ZSCAN32: variants seen among roughly 807,000 people sequenced by gnomAD.
ZSCAN32 encodes the protein zinc finger and SCAN domain containing 32.
A neutral mutation model predicts 47.4 loss-of-function variants in ZSCAN32; 52 were observed. The observed-to-expected ratio is 1.10, with a 90% CI of 0.88 to 1.38. The LOEUF is 1.38. Among genes scored for constraint, ZSCAN32 ranks in the 40% most tolerant of loss-of-function variants. The pLI, the probability that ZSCAN32 is intolerant of heterozygous loss-of-function variation, is 0.00. For synonymous variants in ZSCAN32, 346 were observed against 305.7 expected, an observed-to-expected ratio of 1.13 and a Z score of -1.38; for missense variants, 959 against 846.0, an observed-to-expected ratio of 1.13 and a Z score of -1.66.
chr16:3,388,367 C>T (rs1308276757), intron 5 of ZSCAN32, among the ~76,000 whole-genome samples: 1 of 152,224 alleles, frequency 6.6e-6, no homozygotes, highest in Non-Finnish European at 1.5e-5. Context: ...GTCATTTTCT[C>T]AGTGAGGGCG....
intron 5 of ZSCAN32, among the ~76,000 whole-genome samples, chr16:3,389,537 C>T (rs2032414331): frequency 6.6e-6 from 1 of 152,198 alleles, no homozygotes; most frequent in African/African-American, 2.4e-5. Context: ...CCCAAGTGTC[C>T]TGAGATGCTG....
chr16:3,396,667 C>G (rs567855730), intron 2 of ZSCAN32, among the ~76,000 whole-genome samples: 1 of 152,342 alleles, frequency 6.6e-6, no homozygotes, highest in Non-Finnish European at 1.5e-5. Flanking sequence ...AAAATATAAG[C>G]TGGTTACACC....
chr16:3,384,856 G>A lies in ZSCAN32; in HGVS notation c.837C>T (p.Thr279=), dbSNP rs767241263. ...SSSQFYGKLQ[T]CQQNSQIYRA... ...TGTAGATCTGGCTGTTCTGCTGACAGGTCTGGAGTTTTCCATAAAATTGAG... is the reference window on the plus strand; with the variant it reads ...TGTAGATCTGGCTGTTCTGCTGACAAGTCTGGAGTTTTCCATAAAATTGAG... Residue 279 remains threonine, a synonymous_variant, in exon 6 of 7, where the codon ACC becomes ACT. Transcript: ENST00000396852. 1.2e-6 allele frequency: 2 copies of A among 1,614,140 alleles called. No individual in the cohort carries two copies. The highest frequency in any genetic ancestry group is 2.2e-5 in the South Asian group (2 of 91,086).
intron 6 of ZSCAN32, 27 bp downstream of exon 6, chr16:3,384,432 T>C (rs893042605): frequency 1.9e-6 from 3 of 1,613,436 alleles, no homozygotes; most frequent in Non-Finnish European, 1.7e-6. Flanking sequence ...TGCCATCCTT[T>C]GACCATCAGA....
Position 3,384,518 on chromosome 16 carries a change from C to T in ZSCAN32, c.1175G>A (p.Arg392Lys). 1 of 1,614,112 alleles carries T rather than the reference C, an allele frequency of 6.2e-7. No homozygotes were observed. Among genetic ancestry groups the T allele is most frequent in the African/African-American group, 1.3e-5 (1 of 75,016 alleles). ...DGADRDEKDF[R>K]NPGQEVRKLD... is the part of the protein sequence containing the mutation. ...TTTCCTGACTTCCTGGCCAGGATTC[C>T]TGAAGTCCTTTTCATCCCTGTCTGC... is the stretch of plus-strand genomic sequence containing the variant. The change falls in exon 6 of 7, where the codon AGG becomes AAG. Residue 392 changes from arginine (R) to lysine (K), a missense_variant. Arg to Lys is a conservative substitution (Grantham distance 26). Coordinates refer to ENST00000396852, the MANE Select transcript of ZSCAN32 (RefSeq NM_001284527.2).
At chr16:3,393,607 G>C (rs2033075770) in intron 3 of ZSCAN32, 42 bp downstream of exon 3, 13 of 1,470,628 alleles carry the variant, frequency 8.8e-6, no homozygotes, top group Non-Finnish European at 1.2e-5. Context: ...GTAAATGATT[G>C]TTCCTCACCT....
chr16:3,394,952 A>C (rs1005092473), intron 2 of ZSCAN32, among the ~76,000 whole-genome samples: 1 of 152,124 alleles, frequency 6.6e-6, no homozygotes, highest in Admixed American at 6.5e-5. Flanking sequence ...CCAACACTCC[A>C]GTTATCACAT....
intron 5 of ZSCAN32, among the ~76,000 whole-genome samples, chr16:3,387,773 C>A (rs973272965): frequency 1.3e-5 from 2 of 152,242 alleles, no homozygotes; most frequent in African/African-American, 4.8e-5. Context: ...ATTTAACTAA[C>A]ACTGAGTGCC....
chr16:3,390,076 G>T lies in ZSCAN32; in HGVS notation c.685C>A (p.Pro229Thr). 6.2e-7 allele frequency: 1 copy of T among 1,613,980 alleles called. No individual in the cohort carries two copies. The highest frequency in any genetic ancestry group is 8.5e-7 in the Non-Finnish European group (1 of 1,179,972). The change falls in exon 5 of 7, where the codon CCA becomes ACA. Residue 229 changes from proline to threonine, a missense_variant. Pro to Thr is a conservative substitution (Grantham distance 38). Transcript: ENST00000396852. ...TAGAGGGCCCTTTGTGCAGGGCCTG[G>T]GCACATCCATTCTTGCTGACAGAGG... ...VSLCQQEWMC[P>T]GPAQRALYRG... is the part of the protein sequence containing the mutation.
intron 3 of ZSCAN32, among the ~76,000 whole-genome samples, chr16:3,391,061 C>T (rs556046717): frequency 2.0e-5 from 3 of 152,232 alleles, no homozygotes; most frequent in Admixed American, 6.5e-5. Flanking sequence ...CTTAAAAATA[C>T]AGGAAAATTA....
chr16:3,392,016 A>G (rs189040707), intron 3 of ZSCAN32, among the ~76,000 whole-genome samples: 1 of 152,362 alleles, frequency 6.6e-6, no homozygotes, highest in East Asian at 1.9e-4. Context: ...TACTTTATGG[A>G]AAAAGACTTA....
Position 3,384,645 on chromosome 16 carries a change from T to C in ZSCAN32, c.1048A>G (p.Ser350Gly), listed in dbSNP as rs1208761313. 1.9e-6 allele frequency: 3 copies of C among 1,614,086 alleles called. No individual in the cohort carries two copies. The highest frequency in any genetic ancestry group is 2.5e-6 in the Non-Finnish European group (3 of 1,180,038). The change falls in exon 6 of 7, where the codon AGC (serine) becomes GGC (glycine). Residue 350 changes from serine to glycine, a missense_variant. By Grantham distance (56) the Ser-to-Gly change is moderately conservative (BLOSUM62 0). Transcript: ENST00000396852. ...GSWASAPPMA[S>G]DAVPGQEGSD... ...CCTTCTTGGCCAGGAACAGCATCGCTTGCCATAGGAGGTGCAGAGGCCCAG... is the reference window on the plus strand; with the variant it reads ...CCTTCTTGGCCAGGAACAGCATCGCCTGCCATAGGAGGTGCAGAGGCCCAG...
intron 3 of ZSCAN32, 52 bp downstream of exon 3, chr16:3,393,597 G>C: frequency 1.4e-6 from 2 of 1,462,282 alleles, no homozygotes; most frequent in Non-Finnish European, 1.8e-6. Flanking sequence ...TTTGTTTCCA[G>C]TAAATGATTG....
At chr16:3,384,097 A>G in intron 6 of ZSCAN32, 1 of 482,482 alleles carries the variant, frequency 2.1e-6, no homozygotes, top group Non-Finnish European at 3.6e-6. Context: ...ACAGGAAGAA[A>G]GCAAGGTGCT....
chr16:3,397,022 T>C (rs1040982170), intron 2 of ZSCAN32, among the ~76,000 whole-genome samples, 170 bp downstream of exon 2: 1 of 152,202 alleles, frequency 6.6e-6, no homozygotes, highest in African/African-American at 2.4e-5. Context: ...TATCCACAGA[T>C]GAGAAATTCT....
chr16:3,390,996 C>T (rs1446852780), intron 3 of ZSCAN32, among the ~76,000 whole-genome samples: 1 of 152,162 alleles, frequency 6.6e-6, no homozygotes, highest in Non-Finnish European at 1.5e-5. Context: ...CAAGATAATA[C>T]ATTTTTTCTC....
rs1256086157 is a variant in ZSCAN32, at chr16:3,397,424, T to C, written c.134A>G (p.Tyr45Cys). The change falls in exon 2 of 7, where the codon TAC becomes TGC. Residue 45 changes from tyrosine to cysteine, a missense_variant. Physicochemically the swap from Tyr to Cys is radical, Grantham distance 194 (BLOSUM62 -2). Coordinates refer to ENST00000396852, the MANE Select transcript of ZSCAN32 (RefSeq NM_001284527.2). ...ASRQRFRQFC[Y>C]QEVTGPHEAF... ...TTCATGTGGGCCAGTTACCTCCTGG[T>C]AGCAAAACTGCCTGAAGCGCTGACG... The C allele has an allele frequency of 3.2e-6, 5 of 1,551,826 alleles. No individual in the cohort carries two copies. Among genetic ancestry groups the C allele is most frequent in the Non-Finnish European group, 4.4e-6 (5 of 1,147,828 alleles).
chr16:3,399,115 C>T (rs1304944336), intron 1 of ZSCAN32, among the ~76,000 whole-genome samples: 6 of 152,062 alleles, frequency 3.9e-5, no homozygotes, highest in Admixed American at 2.0e-4. Flanking sequence ...CGCAGCTACT[C>T]GGGAGGCTGA....
intron 6 of ZSCAN32, chr16:3,384,186 G>A: frequency 1.7e-6 from 1 of 576,408 alleles, no homozygotes; most frequent in Non-Finnish European, 3.0e-6. Context: ...GACCTGGTCT[G>A]GAGGCCTAAC....
Sources: gnomAD v4.1 joint callset for allele counts (sites outside exome capture counted in the v4.1 genomes callset) on GRCh38, gnomAD v4.1.1 for gene constraint, MANE v1.5 for transcripts, NCBI Gene and HGNC (gene_info 2026-07-23, HGNC 2026-07-21) for gene names.